Variants in SPTBN1 observed in about 807,000 individuals in gnomAD.
The protein encoded by SPTBN1 is spectrin beta, non-erythrocytic 1, also known as spectrin beta chain, non-erythrocytic 1.
SPTBN1 carries 32 observed loss-of-function variants against 266.4 expected under a neutral mutation model. The ratio of observed to expected loss-of-function variants is 0.12; its 90% confidence interval spans 0.09 to 0.16. SPTBN1 has a LOEUF of 0.16. SPTBN1 is among the 10% of genes least tolerant of loss of function. The pLI is 1.00. For missense variants in SPTBN1, 2,296 were observed against 3,067.1 expected, an observed-to-expected ratio of 0.75 and a Z score of 5.94; for synonymous variants, 1,336 against 1,162.2, an observed-to-expected ratio of 1.15 and a Z score of -3.04.
chr2:54,624,771 T>C (rs774256958), intron 10 of SPTBN1, 33 bp from the exon 11 acceptor site: 32 of 1,613,372 alleles, frequency 2.0e-5, no homozygotes, highest in Non-Finnish European at 2.7e-5. Context: ...CAGGAAACTG[T>C]GTTTGTGTGT....
intron 1 of SPTBN1, among the ~76,000 whole-genome samples, chr2:54,469,937 G>C (rs1479439749): frequency 6.6e-6 from 1 of 152,164 alleles, no homozygotes; most frequent in Non-Finnish European, 1.5e-5. Context: ...CTGCCATTTC[G>C]GAAGGAAAGA....
intron 2 of SPTBN1, among the ~76,000 whole-genome samples, chr2:54,553,538 C>CTGTGG (rs145737593): frequency 0.025 from 3,731 of 152,252 alleles, 162 homozygotes; most frequent in African/African-American, 0.083. Context: ...GAGAAATTGG[C>CTGTGG]TGTGGTCATC....
At chr2:54,647,687 A>G (rs1680011466) in intron 24 of SPTBN1, among the ~76,000 whole-genome samples, 1 of 152,132 alleles carries the variant, frequency 6.6e-6, no homozygotes, top group African/African-American at 2.4e-5. Flanking sequence ...AAAAAATACA[A>G]AAAATCAGCT....
chr2:54,666,477 T>C (rs185426613), intron 34 of SPTBN1, among the ~76,000 whole-genome samples: 17 of 152,358 alleles, frequency 1.1e-4, no homozygotes, highest in Non-Finnish European at 7.3e-5. Flanking sequence ...GCTCATGAAT[T>C]ATCTGGAGAT....
At chr2:54,565,969 A>C (rs1673630518) in intron 2 of SPTBN1, among the ~76,000 whole-genome samples, 2 of 152,174 alleles carry the variant, frequency 1.3e-5, no homozygotes, top group African/African-American at 4.8e-5. Flanking sequence ...CCTTCTGGAA[A>C]ATAATGTGGA....
intron 3 of SPTBN1, 52 bp from the exon 4 acceptor site, chr2:54,612,109 C>T (rs2103797436): frequency 6.7e-7 from 1 of 1,502,078 alleles, no homozygotes; most frequent in East Asian, 2.3e-5. Context: ...ACTCGGGGTT[C>T]ATCTCTACTC....
Position 54,670,697 on chromosome 2 carries a change from A to G in SPTBN1, c.*2128A>G, listed in dbSNP as rs78024589. ...TTCATACCAGCAATCCTGGAGTCCC[A>G]TAATAAATACGTACATGTGGAACAT... On this transcript the variant is annotated 3_prime_UTR_variant, in exon 36 of 36. Transcript: ENST00000356805. 2.2e-4 allele frequency: 88 copies of G among 398,648 alleles called. No individual in the cohort carries two copies. The East Asian group carries it at 3.1e-3, about 14-fold the overall frequency. The allele number at this position is 398,648 out of a possible 1,614,324, so 24.7% of individuals were successfully genotyped here. A position where few individuals can be genotyped will look rare whatever the true frequency, so the allele number is the denominator to read the frequency against.
Position 54,513,516 on chromosome 2 carries a change from A to G in SPTBN1, c.-47-12856A>G, listed in dbSNP as rs537753478. Among the ~76,000 whole-genome samples, 5 of 152,292 alleles carry G rather than the reference A, an allele frequency of 3.3e-5. No individual in the cohort carries two copies. In the South Asian group the frequency reaches 1.0e-3, roughly 32 times the overall value. Reference sequence around the variant, plus strand: ...CAACAAATAGGGCAGTGAAATGCCAAACTCACTGAAATTCAGGACTGGTAT... The same window carrying G: ...CAACAAATAGGGCAGTGAAATGCCAGACTCACTGAAATTCAGGACTGGTAT... On this transcript the variant is annotated intron_variant, in intron 1 of 35. Transcript: ENST00000356805.
intron 2 of SPTBN1, among the ~76,000 whole-genome samples, chr2:54,588,166 T>C (rs1675414481): frequency 6.6e-6 from 1 of 152,188 alleles, no homozygotes; most frequent in Non-Finnish European, 1.5e-5. Flanking sequence ...ATGGAGTCTC[T>C]ATGGGGTATC....
chr2:54,584,982 T>TA (rs1675191785), intron 2 of SPTBN1, among the ~76,000 whole-genome samples: 1 of 152,096 alleles, frequency 6.6e-6, no homozygotes, highest in East Asian at 1.9e-4. Context: ...TCATGGATGT[T>TA]ATAAAGATCT....
At chr2:54,521,203 T>C (rs1282052791) in intron 1 of SPTBN1, among the ~76,000 whole-genome samples, 3 of 152,136 alleles carry the variant, frequency 2.0e-5, no homozygotes, top group South Asian at 2.1e-4. Context: ...TGCTGGAGTT[T>C]GGAGTCTCCA....
intron 3 of SPTBN1, among the ~76,000 whole-genome samples, chr2:54,600,878 G>A (rs1676457049): frequency 6.6e-6 from 1 of 151,518 alleles, no homozygotes; most frequent in Non-Finnish European, 1.5e-5. Context: ...AGGCTGTAGG[G>A]AGTAAACTGT....
chr2:54,463,134 G>A (rs1693452554), intron 1 of SPTBN1, among the ~76,000 whole-genome samples: 1 of 152,198 alleles, frequency 6.6e-6, no homozygotes, highest in Admixed American at 6.5e-5. Context: ...GGTGGCCAAG[G>A]GAACAAGGAG....
At chr2:54,487,115 T>C (rs866973501) in intron 1 of SPTBN1, among the ~76,000 whole-genome samples, 2 of 152,042 alleles carry the variant, frequency 1.3e-5, no homozygotes, top group African/African-American at 4.8e-5. Flanking sequence ...GTTTATATTG[T>C]TCATGTATAA....
At chr2:54,566,192 T>C (rs1388884755) in intron 2 of SPTBN1, among the ~76,000 whole-genome samples, 3 of 144,000 alleles carry the variant, frequency 2.1e-5, no homozygotes, top group South Asian at 2.1e-4. Context: ...TTTCTTTTTT[T>C]TTTTTTTTTT....
In SPTBN1 at chr2:54,563,593, C is replaced by CTT. The variant is rs750173696; in HGVS notation, c.149-35472_149-35471dup. 6.7e-4 allele frequency among the ~76,000 whole-genome samples: 43 copies of CTT among 64,454 alleles called. 2 individuals carry two copies. Among genetic ancestry groups the CTT allele is most frequent in the African/African-American group, 1.5e-3 (23 of 15,492 alleles). 42.3% of individuals were successfully genotyped at this position (64,454 alleles called of 152,430 possible). On this transcript the variant is annotated intron_variant, in intron 2 of 35. Transcript: ENST00000356805. ...CTCTGAATCATGAAGAAAATTTATT[C>CTT]TTTTTTTTTTTTTTTTTTTTTTTTT... is the stretch of plus-strand genomic sequence containing the variant.
intron 2 of SPTBN1, among the ~76,000 whole-genome samples, chr2:54,544,061 C>T (rs1672097815): frequency 6.6e-6 from 1 of 152,136 alleles, no homozygotes; most frequent in African/African-American, 2.4e-5. Context: ...ATGTGTGTAT[C>T]ACTTTCATCT....
intron 2 of SPTBN1, among the ~76,000 whole-genome samples, chr2:54,598,181 G>A (rs779729634): frequency 1.3e-5 from 2 of 152,154 alleles, no homozygotes; most frequent in Non-Finnish European, 2.9e-5. Context: ...CCTTAAATTG[G>A]ACAGAATTTG....
At position 54,645,466 on chromosome 2, in the gene SPTBN1, C is replaced by A; in HGVS notation, c.4494+13C>A. ...GGAGGACGAGATCGTGAGTCGACCC[C>A]TACTGCACACATGGCTTTTCCACGA... On this transcript the variant is annotated intron_variant, in intron 21 of 35. Coordinates refer to ENST00000356805, the MANE Select transcript of SPTBN1 (RefSeq NM_003128.3). This position sits in a 1 kb window ranked among gnomAD's most constrained non-coding sequence, Gnocchi z 4.3. 1.2e-6 allele frequency: 2 copies of A among 1,612,530 alleles called. No individual in the cohort carries two copies. Among genetic ancestry groups the A allele is most frequent in the Non-Finnish European group, 1.7e-6 (2 of 1,178,930 alleles).
Sources: gnomAD v4.1 joint callset for allele counts (sites outside exome capture counted in the v4.1 genomes callset) on GRCh38, gnomAD v4.1.1 for gene constraint, Gnocchi (gnomAD v3.1) non-coding constraint, MANE v1.5 for transcripts, NCBI Gene and HGNC (gene_info 2026-07-23, HGNC 2026-07-21) for gene names.